Variants in LRBA observed in about 807,000 individuals in gnomAD.
The protein encoded by LRBA is LPS responsive beige-like anchor protein.
In LRBA, 176 loss-of-function variants were observed where a neutral mutation model predicts 330.0. The ratio of observed to expected loss-of-function variants is 0.53; its 90% CI spans 0.47 to 0.60. LRBA has a LOEUF of 0.60. Among genes scored for constraint, LRBA ranks in the 20% least tolerant of loss-of-function variants. The pLI is 0.00. For missense variants in LRBA, 3,259 were observed against 3,444.8 expected (o/e 0.95, Z 1.35); for synonymous variants, 1,230 against 1,193.0 (o/e 1.03, Z -0.64).
intron 46 of LRBA, among the ~76,000 whole-genome samples, chr4:150,433,658 G>A (rs979798747): frequency 6.6e-6 from 1 of 151,842 alleles, no homozygotes; most frequent in East Asian, 1.9e-4. Context: ...AAAATGTCAG[G>A]CTTATCAATA....
At chr4:150,873,785 T>C (rs1474384637) in intron 17 of LRBA, among the ~76,000 whole-genome samples, 1 of 151,710 alleles carries the variant, frequency 6.6e-6, no homozygotes, top group Non-Finnish European at 1.5e-5. Context: ...AGATCAAAAT[T>C]TTGGTGTTTA....
chr4:150,534,124 C>T (rs778594440), intron 40 of LRBA, among the ~76,000 whole-genome samples: 5 of 151,724 alleles, frequency 3.3e-5, no homozygotes, highest in African/African-American at 4.8e-5. Flanking sequence ...TCCTTTTTAT[C>T]CATTAAATTG....
chr4:150,832,287 A>G (rs1747323382), intron 28 of LRBA, among the ~76,000 whole-genome samples: 1 of 152,138 alleles, frequency 6.6e-6, no homozygotes, highest in South Asian at 2.1e-4. Context: ...TTAATCAAAC[A>G]AACAGTAATT....
intron 34 of LRBA, among the ~76,000 whole-genome samples, chr4:150,775,505 T>G (rs1368659619): frequency 8.3e-6 from 1 of 120,650 alleles, no homozygotes; most frequent in African/African-American, 3.2e-5. Context: ...ACACACACAG[T>G]GATTGCAGCA....
chr4:150,405,979 C>T (rs1247532141), intron 47 of LRBA, among the ~76,000 whole-genome samples: 1 of 152,034 alleles, frequency 6.6e-6, no homozygotes, highest in Non-Finnish European at 1.5e-5. Context: ...CGTTTGAGCC[C>T]AGGAGGTTGA....
At chr4:150,379,814 T>C (rs1041020092) in intron 47 of LRBA, among the ~76,000 whole-genome samples, 4 of 152,082 alleles carry the variant, frequency 2.6e-5, no homozygotes, top group African/African-American at 4.8e-5. Flanking sequence ...CGAGGCAGTA[T>C]TTATGAAGCC....
At chr4:150,497,409 T>C (rs560292595) in intron 40 of LRBA, among the ~76,000 whole-genome samples, 1 of 152,298 alleles carries the variant, frequency 6.6e-6, no homozygotes, top group Admixed American at 6.5e-5. Flanking sequence ...TTGATAATTT[T>C]CTTACTAAAT....
rs187859822 is a variant in LRBA, at chr4:150,390,846, C to T, written c.7194+24592G>A. ...GGCTAAATAAACTGTTCAGCTAGAA[C>T]CTCTCAAGCTGAAATCAGAAATTTT... On this transcript the variant is annotated intron_variant, in intron 47 of 56. Coordinates refer to ENST00000651943, the MANE Select transcript of LRBA (RefSeq NM_001364905.1). Among the ~76,000 whole-genome samples the T allele has an allele frequency of 3.9e-5, 6 of 152,268 alleles. No individual in the cohort carries two copies. In the South Asian group the frequency reaches 8.3e-4, roughly 21 times the overall value.
rs1014429749 is a variant in LRBA, at chr4:150,651,602, T to C, written c.5921+31949A>G. ...GCTCCCATGGCAACCTAGACCAAGT[T>C]TGTCTTGTTCCTAACTGTATCAGAG... On this transcript the variant is annotated intron_variant, in intron 37 of 56. Transcript: ENST00000651943. Among the ~76,000 whole-genome samples the C allele has an allele frequency of 4.6e-5, 7 of 152,270 alleles. No homozygotes were observed. In the South Asian group the frequency reaches 8.3e-4, roughly 18 times the overall value.
chr4:150,717,160 T>C (rs1728306124), intron 36 of LRBA, among the ~76,000 whole-genome samples: 1 of 152,192 alleles, frequency 6.6e-6, no homozygotes, highest in Non-Finnish European at 1.5e-5. Flanking sequence ...TGTAGTTTTC[T>C]TATCTGTAAA....
chr4:150,888,143 T>A (rs182772152), intron 17 of LRBA, among the ~76,000 whole-genome samples: 1 of 148,890 alleles, frequency 6.7e-6, no homozygotes, highest in Non-Finnish European at 1.5e-5. Flanking sequence ...AGGAAAAAGG[T>A]AAGGAAAAAG....
intron 9 of LRBA, among the ~76,000 whole-genome samples, chr4:150,910,771 A>G (rs1731903549): frequency 6.6e-6 from 1 of 152,144 alleles, no homozygotes; most frequent in Non-Finnish European, 1.5e-5. Flanking sequence ...ATGGATTTTT[A>G]GCATATTAAA....
At chr4:150,617,447 G>C (rs569163643) in intron 37 of LRBA, among the ~76,000 whole-genome samples, 10 of 151,370 alleles carry the variant, frequency 6.6e-5, no homozygotes, top group Middle Eastern at 3.6e-3. Flanking sequence ...TTTGGGACCA[G>C]GCTGGCCAAC....
At chr4:150,582,358 G>A (rs1459257307) in intron 40 of LRBA, 2 of 151,922 alleles carry the variant, frequency 1.3e-5, no homozygotes, top group Admixed American at 6.6e-5. Flanking sequence ...ACGACCCCCC[G>A]AGAAGAGACG....
intron 40 of LRBA, among the ~76,000 whole-genome samples, chr4:150,586,006 A>G (rs1180729052): frequency 6.6e-6 from 1 of 151,850 alleles, no homozygotes; most frequent in Non-Finnish European, 1.5e-5. Context: ...AATCATCTCC[A>G]CTCTTTCAAC....
intron 46 of LRBA, among the ~76,000 whole-genome samples, chr4:150,421,224 CAT>C (rs1420219102): frequency 3.0e-5 from 4 of 133,360 alleles, no homozygotes; most frequent in African/African-American, 5.5e-5. Flanking sequence ...ATATTATACA[CAT>C]ATATAATATA....
chr4:150,900,434 A>T (rs1043628171), intron 13 of LRBA, among the ~76,000 whole-genome samples: 8 of 152,242 alleles, frequency 5.3e-5, no homozygotes, highest in African/African-American at 1.9e-4. Flanking sequence ...CTTCTTTTAT[A>T]GCAGCATTAT....
chr4:150,363,473 T>A (rs1386661940), intron 47 of LRBA, among the ~76,000 whole-genome samples: 1 of 152,222 alleles, frequency 6.6e-6, no homozygotes, highest in African/African-American at 2.4e-5. Context: ...ACAAGTATAT[T>A]TATTATATTA....
chr4:150,744,766 G>A (rs747770440), intron 35 of LRBA, among the ~76,000 whole-genome samples: 40 of 152,308 alleles, frequency 2.6e-4, no homozygotes, highest in Non-Finnish European at 4.3e-4. Flanking sequence ...CCAGTGAGTC[G>A]TGGCTTTAAA....
Sources: allele counts gnomAD v4.1 joint callset (sites outside exome capture counted in the v4.1 genomes callset), GRCh38; gene constraint gnomAD v4.1.1; transcripts MANE v1.5; gene names NCBI Gene and HGNC (gene_info 2026-07-23, HGNC 2026-07-21).